Variants in THSD7A observed in about 807,000 individuals in gnomAD.
The protein encoded by THSD7A is thrombospondin type-1 domain-containing protein 7A.
In THSD7A, 96 loss-of-function variants were observed where a neutral mutation model predicts 231.3. The observed-to-expected ratio is 0.41, with a 90% CI of 0.35 to 0.49. The LOEUF (loss-of-function observed/expected upper bound fraction) is 0.49. Ranked by LOEUF, THSD7A falls within the 20% of genes least tolerant of loss-of-function variation. The probability of loss-of-function intolerance (pLI) is 0.05; values close to 1 mark genes in which losing one functional copy is unlikely to be tolerated. For synonymous variants in THSD7A, 940 were observed against 743.3 expected (o/e 1.26, Z -4.30); for missense variants, 2,290 against 2,070.2 (o/e 1.11, Z -2.06).
Position 11,447,554 on chromosome 7 carries a change from C to T in THSD7A, c.2606-130G>A, listed in dbSNP as rs1785012811. On this transcript the variant is annotated intron_variant, in intron 11 of 27. Coordinates refer to ENST00000423059, the MANE Select transcript of THSD7A (RefSeq NM_015204.3). Reference sequence around the variant, plus strand: ...GTAGTTCCTTACTTACAGTAGAAATCTTATAGGAGTGTTTCTAATAATCCC... The same window carrying T: ...GTAGTTCCTTACTTACAGTAGAAATTTTATAGGAGTGTTTCTAATAATCCC... 4 of 697,636 alleles carry T rather than the reference C, an allele frequency of 5.7e-6. No homozygotes were observed. The East Asian group carries it at 1.2e-4, about 21-fold the overall frequency. 43.2% of individuals were successfully genotyped at this position (697,636 alleles called of 1,614,324 possible).
chr7:11,677,584 C>CAAAAAAAAAAAAAAAAAAAA lies in THSD7A; in HGVS notation c.191-40643_191-40624dup, dbSNP rs553030554. Among the ~76,000 whole-genome samples, 6 of 22,274 alleles carry CAAAAAAAAAAAAAAAAAAAA rather than the reference C, an allele frequency of 2.7e-4. 2 individuals carry two copies. The highest frequency in any genetic ancestry group is 1.5e-3 in the African/African-American group (6 of 3,884). 14.6% of individuals were successfully genotyped at this position (22,274 alleles called of 152,430 possible). A position where few individuals can be genotyped will look rare whatever the true frequency, so the allele number is the denominator to read the frequency against. ...GAAGATTGACCAAGCAAATGGAAAG[C>CAAAAAAAAAAAAAAAAAAAA]AAAAAAAAAAAAAAAAAAAAAAAAA... is the stretch of plus-strand genomic sequence containing the variant. On this transcript the variant is annotated intron_variant, in intron 1 of 27. Transcript: ENST00000423059.
chr7:11,738,755 A>G lies in THSD7A; in HGVS notation c.190+93002T>C, dbSNP rs75885521. Among the ~76,000 whole-genome samples, 1,042 of 152,132 alleles carry G rather than the reference A, an allele frequency of 6.8e-3. 6 individuals are homozygous for G. Among genetic ancestry groups the G allele is most frequent in the African/African-American group, 0.024 (987 of 41,530 alleles). On this transcript the variant is annotated intron_variant, in intron 1 of 27. Coordinates refer to ENST00000423059, the MANE Select transcript of THSD7A (RefSeq NM_015204.3). ...GGCCTTGAAGATGGAAGAAAAGGCC[A>G]CTAAACAAGGTATGTAGGTGGCCTC...
intron 6 of THSD7A, among the ~76,000 whole-genome samples, chr7:11,496,576 T>C (rs1348835544): frequency 3.3e-5 from 5 of 152,116 alleles, no homozygotes; most frequent in Non-Finnish European, 5.9e-5. Context: ...TGATAGATAT[T>C]CCTCCACAGC....
intron 11 of THSD7A, among the ~76,000 whole-genome samples, chr7:11,453,134 T>C (rs745755034): frequency 2.0e-5 from 3 of 151,828 alleles, no homozygotes; most frequent in Non-Finnish European, 4.4e-5. Context: ...ATGTAACCTT[T>C]AAAAAAAGAG....
intron 11 of THSD7A, among the ~76,000 whole-genome samples, chr7:11,454,144 CT>C (rs948939302): frequency 6.6e-6 from 1 of 151,910 alleles, no homozygotes; most frequent in African/African-American, 2.4e-5. Flanking sequence ...ATTTGCATTT[CT>C]CTTTTATTGA....
At chr7:11,725,973 A>C (rs914767164) in intron 1 of THSD7A, among the ~76,000 whole-genome samples, 2 of 152,062 alleles carry the variant, frequency 1.3e-5, no homozygotes, top group African/African-American at 4.8e-5. Context: ...CTTATGAATT[A>C]ATATTACAAG....
chr7:11,769,153 A>ATATATTTTTTTTTTT, intron 1 of THSD7A, among the ~76,000 whole-genome samples: 3 of 27,658 alleles, frequency 1.1e-4, no homozygotes, highest in Non-Finnish European at 2.1e-4. Flanking sequence ...ATATATATAT[A>ATATATTTTTTTTTTT]TTTTTTTTTT....
intron 2 of THSD7A, among the ~76,000 whole-genome samples, chr7:11,610,352 A>T (rs1016266522): frequency 2.0e-5 from 3 of 152,152 alleles, no homozygotes; most frequent in African/African-American, 7.2e-5. Flanking sequence ...TGGGCAAGAA[A>T]GATACAATGT....
intron 1 of THSD7A, among the ~76,000 whole-genome samples, chr7:11,741,976 T>C (rs1042060506): frequency 1.3e-5 from 2 of 151,936 alleles, no homozygotes; most frequent in African/African-American, 4.8e-5. Context: ...TGGGTACTGA[T>C]CCTCAAGGAT....
chr7:11,459,832 C>T (rs899564165), intron 11 of THSD7A, among the ~76,000 whole-genome samples: 10 of 151,474 alleles, frequency 6.6e-5, no homozygotes, highest in South Asian at 2.1e-4. Flanking sequence ...ACATGAAATA[C>T]GTAACTACAC....
At chr7:11,478,831 CA>C (rs931604605) in intron 7 of THSD7A, among the ~76,000 whole-genome samples, 1 of 152,018 alleles carries the variant, frequency 6.6e-6, no homozygotes, top group African/African-American at 2.4e-5. Context: ...CTGAGTAAAT[CA>C]GGGGTAAGAG....
chr7:11,618,628 T>C (rs1781197967), intron 2 of THSD7A, among the ~76,000 whole-genome samples: 1 of 151,846 alleles, frequency 6.6e-6, no homozygotes. Flanking sequence ...TGAAACCCCG[T>C]CTCTACTAAA....
At position 11,831,980 on chromosome 7, in the gene THSD7A, A is replaced by G; in HGVS notation, c.-34T>C. The G allele has an allele frequency of 8.2e-7, 1 of 1,214,032 alleles. No individual in the cohort carries two copies. Among genetic ancestry groups the G allele is most frequent in the East Asian group, 3.3e-5 (1 of 30,574 alleles). 75.2% of individuals were successfully genotyped at this position (1,214,032 alleles called of 1,614,324 possible). ...CAGCCACTCCAGGGTCCAGAGCCGTAGCACGCTCGGCAGGGAATTTTTCTC... is the reference window on the plus strand; with the variant it reads ...CAGCCACTCCAGGGTCCAGAGCCGTGGCACGCTCGGCAGGGAATTTTTCTC... On this transcript the variant is annotated 5_prime_UTR_variant, in exon 1 of 28. Coordinates refer to ENST00000423059, the MANE Select transcript of THSD7A (RefSeq NM_015204.3). This position sits in a 1 kb window ranked among gnomAD's most constrained non-coding sequence, Gnocchi z 5.0.
At chr7:11,808,541 T>A (rs563092864) in intron 1 of THSD7A, among the ~76,000 whole-genome samples, 19 of 152,178 alleles carry the variant, frequency 1.2e-4, no homozygotes, top group Non-Finnish European at 2.4e-4. Context: ...GGCACAACTA[T>A]ATACCAAAAT....
At chr7:11,789,259 G>A (rs981286853) in intron 1 of THSD7A, among the ~76,000 whole-genome samples, 1 of 152,016 alleles carries the variant, frequency 6.6e-6, no homozygotes, top group Non-Finnish European at 1.5e-5. Flanking sequence ...AGAAAGATGG[G>A]CAATCAACCT....
chr7:11,531,828 A>G (rs936132843), intron 6 of THSD7A, among the ~76,000 whole-genome samples: 1 of 152,188 alleles, frequency 6.6e-6, no homozygotes, highest in Admixed American at 6.5e-5. Flanking sequence ...TTGAAATGAA[A>G]TATTAACTTT....
At chr7:11,389,152 C>T (rs1164163581) in intron 23 of THSD7A, among the ~76,000 whole-genome samples, 1 of 152,124 alleles carries the variant, frequency 6.6e-6, no homozygotes, top group East Asian at 1.9e-4. Context: ...AAGTCAAGTC[C>T]TGAATATCCT....
intron 13 of THSD7A, among the ~76,000 whole-genome samples, chr7:11,431,394 C>T (rs894346975): frequency 1.4e-4 from 22 of 152,062 alleles, no homozygotes; most frequent in Non-Finnish European, 2.9e-4. Flanking sequence ...AGGTAGGGGT[C>T]CAACTTCATT....
chr7:11,417,658 G>C, intron 16 of THSD7A, 55 bp from the exon 17 acceptor site: 1 of 1,545,340 alleles, frequency 6.5e-7, no homozygotes, highest in Non-Finnish European at 8.7e-7. Context: ...TAGAAGTAAA[G>C]AAAACAGGAC....
Sources: allele counts gnomAD v4.1 joint callset (sites outside exome capture counted in the v4.1 genomes callset), GRCh38; gene constraint gnomAD v4.1.1; non-coding constraint Gnocchi (gnomAD v3.1); transcripts MANE v1.5; gene names NCBI Gene and HGNC (gene_info 2026-07-23, HGNC 2026-07-21).